IL1RAPL1: variants seen among roughly 807,000 people sequenced by gnomAD.
IL1RAPL1 encodes interleukin-1 receptor accessory protein-like 1.
IL1RAPL1 carries 3 observed loss-of-function variants against 48.4 expected under a neutral mutation model. That is an observed-to-expected ratio of 0.06 (90% CI 0.03 to 0.16). The LOEUF is 0.16. Among genes scored for constraint, IL1RAPL1 ranks in the 10% least tolerant of loss-of-function variants. The pLI is 1.00. For missense variants in IL1RAPL1, 349 were observed against 530.6 expected (o/e 0.66, Z 3.36); for synonymous variants, 185 against 187.7 (o/e 0.99, Z 0.12).
chrX:29,136,727 A>G (rs1268361425), intron 2 of IL1RAPL1, among the ~76,000 whole-genome samples: 2 of 112,000 alleles, frequency 1.8e-5, no homozygotes, highest in Non-Finnish European at 3.8e-5. Context: ...GACTTTTACT[A>G]GTAACAACCT....
intron 3 of IL1RAPL1, among the ~76,000 whole-genome samples, chrX:29,335,781 A>G (rs979003003): frequency 2.7e-5 from 3 of 111,363 alleles, no homozygotes; most frequent in African/African-American, 9.8e-5. Flanking sequence ...TGTGACAGCT[A>G]TTTTTCTATT....
chrX:28,601,878 G>A (rs1243475619), intron 1 of IL1RAPL1, among the ~76,000 whole-genome samples: 5 of 110,251 alleles, frequency 4.5e-5, no homozygotes, highest in African/African-American at 1.7e-4. Context: ...GCCAAGGTGA[G>A]TGGATCACCT....
At chrX:28,851,132 C>A (rs1410777830) in intron 2 of IL1RAPL1, among the ~76,000 whole-genome samples, 2 of 105,910 alleles carry the variant, frequency 1.9e-5, no homozygotes, top group Non-Finnish European at 3.9e-5. Flanking sequence ...TAAGGACTCA[C>A]ACTTGCCTTG....
intron 6 of IL1RAPL1, among the ~76,000 whole-genome samples, chrX:29,684,925 C>T (rs941379967): frequency 1.8e-5 from 2 of 112,185 alleles, no homozygotes; most frequent in Admixed American, 9.5e-5. Flanking sequence ...CAATTTACTA[C>T]GACTATTAAT....
intron 5 of IL1RAPL1, among the ~76,000 whole-genome samples, chrX:29,598,984 C>G (rs1429765284): frequency 8.9e-6 from 1 of 112,239 alleles, no homozygotes; most frequent in Non-Finnish European, 1.9e-5. Context: ...GTTTTCCATT[C>G]TGCTCTTATG....
At chrX:29,089,765 T>TATATAG (rs1472992175) in intron 2 of IL1RAPL1, among the ~76,000 whole-genome samples, 1 of 77,217 alleles carries the variant, frequency 1.3e-5, no homozygotes, top group Non-Finnish European at 2.4e-5. Flanking sequence ...TATATATATA[T>TATATAG]ATATATATAT....
intron 1 of IL1RAPL1, among the ~76,000 whole-genome samples, chrX:28,725,409 T>A (rs1333105215): frequency 1.8e-5 from 2 of 112,060 alleles, no homozygotes. Context: ...TTGAGTATAA[T>A]TTTCGTTTAC....
chrX:29,694,882 G>A (rs1926869390), intron 6 of IL1RAPL1, among the ~76,000 whole-genome samples: 1 of 111,173 alleles, frequency 9.0e-6, no homozygotes, highest in Non-Finnish European at 1.9e-5. Context: ...AGATCTTTAG[G>A]GACACCGTAG....
intron 6 of IL1RAPL1, among the ~76,000 whole-genome samples, chrX:29,775,742 G>A (rs1929180603): frequency 9.0e-6 from 1 of 111,466 alleles, no homozygotes. Flanking sequence ...TAATTTATGT[G>A]CCGAGAGATG....
intron 9 of IL1RAPL1, among the ~76,000 whole-genome samples, chrX:29,952,412 T>C (rs1232701870): frequency 8.9e-6 from 1 of 112,318 alleles, no homozygotes; most frequent in Non-Finnish European, 1.9e-5. Context: ...CCCTTAGTAA[T>C]ACATTTATCT....
intron 2 of IL1RAPL1, among the ~76,000 whole-genome samples, chrX:29,221,064 C>T (rs1335574076): frequency 9.0e-6 from 1 of 111,080 alleles, no homozygotes; most frequent in Non-Finnish European, 1.9e-5. Flanking sequence ...GGACTACAGG[C>T]ACCCGCCACC....
chrX:29,146,787 C>T (rs777415909), intron 2 of IL1RAPL1, among the ~76,000 whole-genome samples: 7 of 112,005 alleles, frequency 6.2e-5, no homozygotes, highest in Non-Finnish European at 1.1e-4. Context: ...GAAATCTGGG[C>T]TGATGCTCTC....
rs780831874 is a variant in IL1RAPL1 at position 29,782,888 on chromosome X, A to ATTTTTTTTTT, written c.778+114409_778+114418dup. Among the ~76,000 whole-genome samples, 7 of 31,077 alleles carry ATTTTTTTTTT rather than the reference A, an allele frequency of 2.3e-4. 1 individual carries two copies. Among genetic ancestry groups the ATTTTTTTTTT allele is most frequent in the Non-Finnish European group, 2.7e-4 (5 of 18,484 alleles). The allele number at this position is 31,077 out of a possible 115,157, so 27.0% of individuals were successfully genotyped here. On this transcript the variant is annotated intron_variant, in intron 6 of 10. Coordinates refer to ENST00000378993, the MANE Select transcript of IL1RAPL1 (RefSeq NM_014271.4). ...GAAGATAAAATGGGTTGATCGTGAC[A>ATTTTTTTTTT]TTTTTTTTTTTTTTTTTTTTTTTTT... is the stretch of plus-strand genomic sequence containing the variant.
chrX:28,851,253 A>G (rs763013430), intron 2 of IL1RAPL1, among the ~76,000 whole-genome samples: 1 of 109,766 alleles, frequency 9.1e-6, no homozygotes, highest in African/African-American at 3.3e-5. Flanking sequence ...TCATTTTGGC[A>G]TGTATCCTTG....
chrX:29,947,227 C>T (rs1459238305), intron 9 of IL1RAPL1, among the ~76,000 whole-genome samples: 3 of 111,765 alleles, frequency 2.7e-5, no homozygotes, highest in Non-Finnish European at 5.7e-5. Context: ...GTGTTAGACT[C>T]CTTTGCTCCT....
At chrX:28,938,028 A>T (rs1043639861) in intron 2 of IL1RAPL1, among the ~76,000 whole-genome samples, 2 of 111,695 alleles carry the variant, frequency 1.8e-5, no homozygotes, top group African/African-American at 6.5e-5. Flanking sequence ...TGACACAGAC[A>T]AATGGGAAAA....
At chrX:28,708,286 G>A (rs2146933604) in intron 1 of IL1RAPL1, among the ~76,000 whole-genome samples, 1 of 111,325 alleles carries the variant, frequency 9.0e-6, no homozygotes, top group East Asian at 2.9e-4. Flanking sequence ...TTAGTTACAG[G>A]ACATGCCTTT....
At chrX:29,660,147 T>A (rs752728950) in intron 5 of IL1RAPL1, among the ~76,000 whole-genome samples, 13 of 111,304 alleles carry the variant, frequency 1.2e-4, no homozygotes, top group Admixed American at 1.9e-4. Flanking sequence ...TCCGCCCCCA[T>A]GATCCAGTCA....
chrX:29,165,021 A>G (rs1369466091), intron 2 of IL1RAPL1, among the ~76,000 whole-genome samples: 4 of 112,220 alleles, frequency 3.6e-5, no homozygotes, highest in Admixed American at 9.6e-5. Context: ...TCTTCAGGAT[A>G]CATAGTTTTA....
Sources: gnomAD v4.1 joint callset for allele counts (sites outside exome capture counted in the v4.1 genomes callset) on GRCh38, gnomAD v4.1.1 for gene constraint, MANE v1.5 for transcripts, NCBI Gene and HGNC (gene_info 2026-07-23, HGNC 2026-07-21) for gene names.